PCDH15: variants seen among roughly 807,000 people sequenced by gnomAD.
The protein encoded by PCDH15 is protocadherin-15.
PCDH15 carries 129 observed loss-of-function variants against 178.5 expected under a neutral mutation model. That is an observed-to-expected ratio of 0.72 (90% CI 0.63 to 0.84). PCDH15 has a LOEUF of 0.84. Ranked by LOEUF, PCDH15 falls within the 40% of genes least tolerant of loss-of-function variation. The probability of loss-of-function intolerance (pLI) is 0.00; values close to 1 mark genes in which losing one functional copy is unlikely to be tolerated. For missense variants in PCDH15, 2,230 were observed against 2,099.9 expected (o/e 1.06, Z -1.21); for synonymous variants, 800 against 732.0 (o/e 1.09, Z -1.50).
chr10:53,832,319 A>G (rs2077061287), intron 29 of PCDH15, among the ~76,000 whole-genome samples: 1 of 151,942 alleles, frequency 6.6e-6, no homozygotes, highest in Non-Finnish European at 1.5e-5. Context: ...AGATTGAAAA[A>G]ATTTGTTATG....
At chr10:55,001,831 C>A (rs977493409) in intron 2 of PCDH15, among the ~76,000 whole-genome samples, 1 of 152,210 alleles carries the variant, frequency 6.6e-6, no homozygotes, top group East Asian at 1.9e-4. Context: ...GCTGGAAAAG[C>A]AACCCCCTAA....
rs1942649820 is a variant in PCDH15 at position 54,343,515 on chromosome 10, T to C, written c.594+2850A>G. On this transcript the variant is annotated intron_variant, in intron 6 of 37. Transcript: ENST00000644397. ...ATAGAAGTGTGAAAATGCACACTAC[T>C]GTAACACTTTCACTTTAAATTGGAT... 2.0e-5 allele frequency among the ~76,000 whole-genome samples: 3 copies of C among 152,194 alleles called. No individual in the cohort carries two copies. In the South Asian group the frequency reaches 6.2e-4, roughly 31 times the overall value.
chr10:54,814,880 C>T (rs969160219), intron 3 of PCDH15, among the ~76,000 whole-genome samples: 1 of 152,078 alleles, frequency 6.6e-6, no homozygotes, highest in African/African-American at 2.4e-5. Context: ...TGATGTGAGG[C>T]TATTTTATTT....
rs2075943058 is a variant in PCDH15 at position 53,813,293 on chromosome 10, C to T, written c.4492-1674G>A. On this transcript the variant is annotated intron_variant, in intron 35 of 37. Coordinates refer to ENST00000644397, the MANE Select transcript of PCDH15 (RefSeq NM_001384140.1). The stretch of plus-strand genomic sequence containing the variant: ...TAAACTCCATTCACTTACATTACTA[C>T]CCTAGATCCTGTAGGTATTGACGCT... 2.0e-5 allele frequency among the ~76,000 whole-genome samples: 3 copies of T among 152,044 alleles called. No individual in the cohort carries two copies. In the South Asian group the frequency reaches 6.2e-4, roughly 32 times the overall value.
At chr10:54,689,437 G>A (rs560971034) in intron 1 of PCDH15, among the ~76,000 whole-genome samples, 6 of 152,188 alleles carry the variant, frequency 3.9e-5, no homozygotes, top group African/African-American at 1.4e-4. Context: ...CGGCTTGAAT[G>A]TTATATAAAA....
At chr10:55,224,873 T>C (rs1403307677) in intron 1 of PCDH15, among the ~76,000 whole-genome samples, 1 of 152,122 alleles carries the variant, frequency 6.6e-6, no homozygotes, top group African/African-American at 2.4e-5. Context: ...TTGTTTACCC[T>C]GCCTGTTTGT....
At chr10:53,925,295 G>A (rs2084421943) in intron 25 of PCDH15, among the ~76,000 whole-genome samples, 1 of 151,770 alleles carries the variant, frequency 6.6e-6, no homozygotes, top group South Asian at 2.1e-4. Context: ...CTGATGGGAG[G>A]AACGAATAAC....
At chr10:54,206,313 T>C (rs2050790713) in intron 10 of PCDH15, among the ~76,000 whole-genome samples, 1 of 152,128 alleles carries the variant, frequency 6.6e-6, no homozygotes, top group Non-Finnish European at 1.5e-5. Flanking sequence ...CTGAAAACTC[T>C]CACTTATCAC....
At chr10:55,602,250 A>C (rs186267409) in intron 2 of PCDH15, among the ~76,000 whole-genome samples, 3,892 of 152,278 alleles carry the variant, frequency 0.026, 166 homozygotes, top group African/African-American at 0.087. Context: ...CCCACGGAGT[A>C]TCGCTGATTG....
chr10:54,094,574 C>T (rs535113772), intron 15 of PCDH15, among the ~76,000 whole-genome samples: 1 of 152,188 alleles, frequency 6.6e-6, no homozygotes, highest in East Asian at 1.9e-4. Context: ...TGGAGGCAAG[C>T]AGCATGTGGA....
chr10:54,311,890 T>G (rs1591737827), intron 8 of PCDH15, among the ~76,000 whole-genome samples: 1 of 151,748 alleles, frequency 6.6e-6, no homozygotes, highest in Non-Finnish European at 1.5e-5. Flanking sequence ...ATGAGATAAA[T>G]TTATTAATAG....
chr10:53,969,728 T>A (rs2089469799), intron 21 of PCDH15, among the ~76,000 whole-genome samples: 1 of 152,160 alleles, frequency 6.6e-6, no homozygotes, highest in Non-Finnish European at 1.5e-5. Flanking sequence ...AAAAGAATTT[T>A]CAACCCAGAA....
chr10:54,466,692 A>G (rs2077541477), intron 3 of PCDH15, among the ~76,000 whole-genome samples: 1 of 151,556 alleles, frequency 6.6e-6, no homozygotes, highest in Non-Finnish European at 1.5e-5. Context: ...ATATTTTTCT[A>G]TTTTTGTAAA....
At chr10:54,219,348 TG>T (rs2052504343) in intron 9 of PCDH15, among the ~76,000 whole-genome samples, 1 of 148,264 alleles carries the variant, frequency 6.7e-6, no homozygotes, top group Non-Finnish European at 1.5e-5. Context: ...CTCAGCACTC[TG>T]GGAGGCCGAG....
intron 3 of PCDH15, among the ~76,000 whole-genome samples, chr10:54,407,366 C>A (rs1457280515): frequency 6.6e-6 from 1 of 151,820 alleles, no homozygotes; most frequent in Non-Finnish European, 1.5e-5. Flanking sequence ...GTAAATCTAA[C>A]CTCAAATATC....
chr10:54,595,391 G>A (rs1034145603), intron 2 of PCDH15, among the ~76,000 whole-genome samples: 8 of 152,070 alleles, frequency 5.3e-5, no homozygotes, highest in Non-Finnish European at 1.2e-4. Context: ...ACTGAACACA[G>A]CTTATACCAT....
intron 1 of PCDH15, among the ~76,000 whole-genome samples, chr10:54,752,144 C>G (rs1946312667): frequency 6.6e-6 from 1 of 152,024 alleles, no homozygotes; most frequent in Admixed American, 6.6e-5. Context: ...AACATTGTTG[C>G]AGAATTTGTC....
intron 2 of PCDH15, among the ~76,000 whole-genome samples, chr10:55,461,686 T>C (rs1293202523): frequency 2.0e-5 from 3 of 152,110 alleles, no homozygotes; most frequent in African/African-American, 7.2e-5. Context: ...AAACTATCTT[T>C]ACTTTATTGG....
At chr10:54,253,551 G>T (rs189162777) in intron 8 of PCDH15, among the ~76,000 whole-genome samples, 82 of 152,104 alleles carry the variant, frequency 5.4e-4, no homozygotes, top group African/African-American at 1.9e-3. Context: ...GCTGTATGAA[G>T]TACCAACATT....
Sources: gnomAD v4.1 joint callset for allele counts (sites outside exome capture counted in the v4.1 genomes callset) on GRCh38, gnomAD v4.1.1 for gene constraint, MANE v1.5 for transcripts, NCBI Gene and HGNC (gene_info 2026-07-23, HGNC 2026-07-21) for gene names.